Variants in NPHP3 observed in about 807,000 individuals in gnomAD.
NPHP3 encodes the protein nephrocystin 3.
In NPHP3, 123 loss-of-function variants were observed where a neutral mutation model predicts 171.9. The observed-to-expected ratio is 0.72, with a 90% confidence interval of 0.62 to 0.83. The LOEUF is 0.83. Ranked by LOEUF, NPHP3 falls within the 40% of genes least tolerant of loss-of-function variation. The probability of loss-of-function intolerance (pLI) is 0.00; values close to 1 mark genes in which losing one functional copy is unlikely to be tolerated. For synonymous variants in NPHP3, 558 were observed against 579.2 expected (o/e 0.96, Z 0.52); for missense variants, 1,506 against 1,591.9 (o/e 0.95, Z 0.92).
intron 6 of NPHP3, among the ~76,000 whole-genome samples, chr3:132,710,499 T>G (rs1267264367): frequency 6.6e-6 from 1 of 152,168 alleles, no homozygotes; most frequent in African/African-American, 2.4e-5. Flanking sequence ...CCCTCTGTGC[T>G]GCTGTGCAAA....
In NPHP3 at chr3:132,694,870, C is replaced by G; in HGVS notation, c.2267G>C (p.Arg756Pro). ...SLYRLVLHSI[R>P]ESMANDVDKE... ...ATCCACATCATTTGCCATGGACTCC[C>G]GGATAGAGTGCAGAACAAGTCTATA... Residue 756 changes from arginine to proline, a missense_variant, in exon 16 of 27, where the codon CGG (arginine) becomes CCG (proline). By Grantham distance (103) the Arg-to-Pro change is moderately radical. This residue lies in a region of NPHP3 where 930 missense variants were observed against 924.9 expected (regional missense o/e 1.01). Transcript: ENST00000337331. 1 of 1,613,632 alleles carries G rather than the reference C, an allele frequency of 6.2e-7. No individual in the cohort carries two copies. The highest frequency in any genetic ancestry group is 8.5e-7 in the Non-Finnish European group (1 of 1,179,874).
chr3:132,685,245 C>T lies in NPHP3; in HGVS notation c.3330-451G>A, dbSNP rs986888158. 4 of 179,960 alleles carry T rather than the reference C, an allele frequency of 2.2e-5. No homozygotes were observed. In the East Asian group the frequency reaches 5.9e-4, roughly 26 times the overall value. The allele number at this position is 179,960 out of a possible 1,614,324, so 11.1% of individuals were successfully genotyped here. ...CCTCCCACCTTAGCCTCTCAAGTAG[C>T]TGGGTCTACAGGTGTGTACCACCAT... On this transcript the variant is annotated intron_variant, in intron 23 of 26. Coordinates refer to ENST00000337331, the MANE Select transcript of NPHP3 (RefSeq NM_153240.5).
intron 9 of NPHP3, among the ~76,000 whole-genome samples, chr3:132,702,581 T>C (rs1056598951): frequency 1.3e-5 from 2 of 152,226 alleles, no homozygotes; most frequent in Non-Finnish European, 2.9e-5. Flanking sequence ...GTCTAAATGA[T>C]AGCTGATGAG....
At chr3:132,717,035 T>C in intron 3 of NPHP3, 126 bp from the exon 4 acceptor site, 1 of 1,062,266 alleles carries the variant, frequency 9.4e-7, no homozygotes, top group South Asian at 1.4e-5. Flanking sequence ...TCAAATGATT[T>C]TGAAAATACT....
At chr3:132,684,840 GT>G in intron 23 of NPHP3, 46 bp from the exon 24 acceptor site, 1 of 1,603,634 alleles carries the variant, frequency 6.2e-7, no homozygotes, top group Non-Finnish European at 8.5e-7. Flanking sequence ...ATTTTCTAGA[GT>G]TTGGAATCCT....
intron 2 of NPHP3, 37 bp downstream of exon 2, chr3:132,719,668 C>T: frequency 7.2e-7 from 1 of 1,397,666 alleles, no homozygotes; most frequent in Admixed American, 2.1e-5. Flanking sequence ...CTATTTTATT[C>T]TATGTTGCTT....
At chr3:132,696,024 T>C (rs1180616980) in intron 15 of NPHP3, among the ~76,000 whole-genome samples, 1 of 152,122 alleles carries the variant, frequency 6.6e-6, no homozygotes, top group East Asian at 1.9e-4. Context: ...GATGAGAACA[T>C]GGAATAAAGA....
intron 4 of NPHP3, 152 bp downstream of exon 4, chr3:132,716,605 T>C (rs1460427238): frequency 1.2e-6 from 1 of 845,524 alleles, no homozygotes; most frequent in East Asian, 2.6e-5. Flanking sequence ...TCCTTGTTAG[T>C]TACAGCCCCA....
Position 132,694,835 on chromosome 3 carries a change from T to C in NPHP3, c.2302A>G (p.Met768Val), listed in dbSNP as rs777858346. ...SMANDVDKELMKQILCLVNVS... is the reference protein window; with the variant it reads ...SMANDVDKELVKQILCLVNVS... ...AGTTTATTACATTCTACCTGCTTCATTAGCTCTTTATCCACATCATTTGCC... is the reference window on the plus strand; with the variant it reads ...AGTTTATTACATTCTACCTGCTTCACTAGCTCTTTATCCACATCATTTGCC... The change falls in exon 16 of 27, where the codon ATG becomes GTG. Residue 768 changes from methionine to valine, a missense_variant. Physicochemically the swap from Met to Val is conservative, Grantham distance 21. Transcript: ENST00000337331. 1 of 1,613,422 alleles carries C rather than the reference T, an allele frequency of 6.2e-7. No homozygotes were observed. The highest frequency in any genetic ancestry group is 1.1e-5 in the South Asian group (1 of 91,082).
intron 6 of NPHP3, among the ~76,000 whole-genome samples, chr3:132,711,320 A>G (rs531098880): frequency 2.6e-5 from 4 of 152,348 alleles, no homozygotes; most frequent in African/African-American, 9.6e-5. Context: ...AAATAAAGCC[A>G]AAGTAGAGAC....
chr3:132,705,537 T>A (rs1273623518), intron 8 of NPHP3: 2 of 436,098 alleles, frequency 4.6e-6, no homozygotes, highest in Admixed American at 7.9e-5. Context: ...TCCTCTGAGA[T>A]AGATGAGAGA....
rs376490748 is a variant in NPHP3 at position 132,705,786 on chromosome 3, T to C, written c.1304A>G (p.Glu435Gly). Residue 435 changes from glutamate to glycine, a missense_variant, in exon 8 of 27, where the codon GAA becomes GGA. This residue lies in a region of NPHP3 where 930 missense variants were observed against 924.9 expected (regional missense o/e 1.01). Transcript: ENST00000337331. Reference protein sequence around the residue: ...KIIDHSGDPAEGVYKTYICVE... With the variant: ...KIIDHSGDPAGGVYKTYICVE... ...ACAAATATAAGTTTTATATACTCCT[T>C]CTGCAGGATCTCCTGAGTGATCAAT... 2.5e-5 allele frequency: 38 copies of C among 1,510,174 alleles called. No individual in the cohort carries two copies. Among genetic ancestry groups the C allele is most frequent in the Non-Finnish European group, 3.4e-5 (37 of 1,086,754 alleles). 93.5% of individuals were successfully genotyped at this position (1,510,174 alleles called of 1,614,324 possible). A position where few individuals can be genotyped will look rare whatever the true frequency, so the allele number is the denominator to read the frequency against.
Position 132,688,837 on chromosome 3 carries a change from C to T in NPHP3, c.2938G>A (p.Asp980Asn), listed in dbSNP as rs1203856291. 11 of 1,613,890 alleles carry T rather than the reference C, an allele frequency of 6.8e-6. No individual in the cohort carries two copies. Among genetic ancestry groups the T allele is most frequent in the East Asian group, 2.2e-5 (1 of 44,892 alleles). Reference sequence around the variant, plus strand: ...AGGGACTGGGCTACTCTTGGGTGATCGGGATCTAAAGCTGTTTCTCGAATC... The same window carrying T: ...AGGGACTGGGCTACTCTTGGGTGATTGGGATCTAAAGCTGTTTCTCGAATC... ...LEIRETALDP[D>N]HPRVAQSLHQ... The change falls in exon 21 of 27, where the codon GAT becomes AAT. Residue 980 changes from aspartate (D) to asparagine (N), a missense_variant. Around this residue, in one of 3 missense-constraint regions of NPHP3, gnomAD observed 569 missense variants for 648.1 expected, o/e 0.88. Transcript: ENST00000337331.
chr3:132,696,761 T>A lies in NPHP3; in HGVS notation c.2141A>T (p.Tyr714Phe), dbSNP rs372011587. 2 of 1,613,982 alleles carry A rather than the reference T, an allele frequency of 1.2e-6. No individual in the cohort carries two copies. The highest frequency in any genetic ancestry group is 2.7e-5 in the African/African-American group (2 of 74,890). The change falls in exon 15 of 27, where the codon TAT becomes TTT. Residue 714 changes from tyrosine (Y) to phenylalanine (F), a missense_variant. Tyr to Phe is a conservative substitution (Grantham distance 22). Around this residue, in one of 3 missense-constraint regions of NPHP3, gnomAD observed 930 missense variants for 924.9 expected, o/e 1.01. Transcript: ENST00000337331. ...GATCATTTTGCCGAAAAGGGTGACA[T>A]AAAGGGCATTGCAGGTTGTAGCAGA... Reference protein sequence around the residue: ...CRSATTCNALYVTLFGKMIAR... With the variant: ...CRSATTCNALFVTLFGKMIAR...
At chr3:132,700,680 G>T (rs1334087086) in intron 10 of NPHP3, among the ~76,000 whole-genome samples, 1 of 152,032 alleles carries the variant, frequency 6.6e-6, no homozygotes, top group African/African-American at 2.4e-5. Context: ...TTAATTAACA[G>T]AAACCAAAGT....
intron 3 of NPHP3, among the ~76,000 whole-genome samples, chr3:132,718,664 C>T (rs1367131949): frequency 2.0e-5 from 3 of 152,182 alleles, no homozygotes; most frequent in Admixed American, 6.5e-5. Flanking sequence ...GGGAAAGGAA[C>T]GTGTTCTCCC....
intron 13 of NPHP3, 38 bp from the exon 14 acceptor site, chr3:132,697,400 T>C: frequency 7.5e-7 from 1 of 1,333,824 alleles, no homozygotes; most frequent in Non-Finnish European, 1.1e-6. Context: ...ATTTTAATAA[T>C]ACAACAAGAA....
chr3:132,682,817 T>C lies in NPHP3; in HGVS notation c.3698A>G (p.Lys1233Arg), dbSNP rs2107961440. ...TAATGGCAAAGCTTCAACGTGTTTT[T>C]TCTTATTAAAAAAAATGATAATGCT... ...VNLAVLYSQMKKHVEALPLYE... is the reference protein window; with the variant it reads ...VNLAVLYSQMRKHVEALPLYE... Residue 1233 changes from lysine to arginine, a missense_variant and splice_region_variant, in exon 26 of 27, where the codon AAA (lysine) becomes AGA (arginine). This residue lies in a region of NPHP3 where 569 missense variants were observed against 648.1 expected (regional missense o/e 0.88). Transcript: ENST00000337331. The C allele has an allele frequency of 1.3e-6, 2 of 1,590,932 alleles. No homozygotes were observed. Among genetic ancestry groups the C allele is most frequent in the Non-Finnish European group, 1.7e-6 (2 of 1,158,910 alleles).
chr3:132,682,704 TA>T lies in NPHP3; in HGVS notation c.3810del (p.Ser1271AlafsTer20). 6.3e-7 allele frequency: 1 copy of T among 1,593,006 alleles called. No homozygotes were observed. The highest frequency in any genetic ancestry group is 8.6e-7 in the Non-Finnish European group (1 of 1,161,014). The stretch of plus-strand genomic sequence containing the variant: ...AAGGAAAGTGAAAAAAATTCTTACC[TA>T]AGCACAGCTAAATTTTTCAGTGTTT... ...VGETLKNLAV[L>X]SYEGGDFEKA... On this transcript the variant is annotated frameshift_variant and splice_region_variant, in exon 26 of 27. Coordinates refer to ENST00000337331, the MANE Select transcript of NPHP3 (RefSeq NM_153240.5). LOFTEE classifies it high-confidence loss of function.
Sources: gnomAD v4.1 joint callset for allele counts (sites outside exome capture counted in the v4.1 genomes callset) on GRCh38, gnomAD v4.1.1 for gene constraint, gnomAD v4.1.1 regional missense constraint, MANE v1.5 for transcripts, NCBI Gene and HGNC (gene_info 2026-07-23, HGNC 2026-07-21) for gene names.